Variants in ZNF143 observed in about 807,000 individuals in gnomAD.
The protein encoded by ZNF143 is zinc finger protein 143, also known as SPH-binding factor.
In ZNF143, 49 loss-of-function variants were observed where a neutral mutation model predicts 74.1. The observed-to-expected ratio is 0.66, with a 90% confidence interval of 0.53 to 0.84. The LOEUF is 0.84. Among genes scored for constraint, ZNF143 ranks in the 40% least tolerant of loss-of-function variants. ZNF143 has a pLI of 0.00. For synonymous variants in ZNF143, 304 were observed against 282.8 expected, an observed-to-expected ratio of 1.07 and a Z score of -0.75; for missense variants, 637 against 793.4, an observed-to-expected ratio of 0.80 and a Z score of 2.37.
intron 7 of ZNF143, among the ~76,000 whole-genome samples, chr11:9,490,179 G>A (rs1335904833): frequency 3.3e-5 from 5 of 151,080 alleles, no homozygotes; most frequent in South Asian, 2.1e-4. Flanking sequence ...GTGAGACCCT[G>A]TCTCTAAATT....
At chr11:9,513,767 C>T (rs917249990) in intron 13 of ZNF143, among the ~76,000 whole-genome samples, 2 of 152,166 alleles carry the variant, frequency 1.3e-5, no homozygotes, top group Admixed American at 1.3e-4. Context: ...TGGTGGCGCT[C>T]TCGTGTAGTT....
intron 10 of ZNF143, 110 bp from the exon 11 acceptor site, chr11:9,500,981 A>G: frequency 7.5e-7 from 1 of 1,327,798 alleles, no homozygotes; most frequent in Non-Finnish European, 1.0e-6. Context: ...GAAGCTCAGC[A>G]CAAGAAGGCT....
intron 14 of ZNF143, among the ~76,000 whole-genome samples, chr11:9,520,068 CCTCT>C (rs1372810732): frequency 7.3e-6 from 1 of 136,248 alleles, no homozygotes; most frequent in Non-Finnish European, 1.5e-5. Flanking sequence ...ACGGAATCTC[CCTCT>C]GTCGCCCAGA....
intron 12 of ZNF143, among the ~76,000 whole-genome samples, chr11:9,510,734 A>G (rs1372675202): frequency 6.7e-6 from 1 of 149,686 alleles, no homozygotes; most frequent in Non-Finnish European, 1.5e-5. Context: ...AGGGGGAAAC[A>G]TTTTTTTTTT....
Position 9,497,795 on chromosome 11 carries a change from A to T in ZNF143, c.962A>T (p.His321Leu). The T allele has an allele frequency of 6.3e-7, 1 of 1,596,376 alleles. No individual in the cohort carries two copies. The highest frequency in any genetic ancestry group is 8.5e-7 in the Non-Finnish European group (1 of 1,173,190). The change falls in exon 10 of 16, where the codon CAT becomes CTT. Residue 321 changes from histidine to leucine, a missense_variant. By Grantham distance (99) the His-to-Leu change is moderately conservative. This residue lies in a region of ZNF143 where 344 missense variants were observed against 485.6 expected (regional missense o/e 0.71). Coordinates refer to ENST00000396602, the MANE Select transcript of ZNF143 (RefSeq NM_003442.6). ...GATCTACAGAAACACATCAGAACTC[A>T]TACAGGTACTAGTGGAAACAGAGTG... ...SGDLQKHIRTHTGERPFKCPF... is the reference protein window; with the variant it reads ...SGDLQKHIRTLTGERPFKCPF...
Position 9,477,207 on chromosome 11 carries a change from C to T in ZNF143, c.374-1183C>T, listed in dbSNP as rs554588779. ...TCCCTCCTTTCCCTCCTTTCCCTCC[C>T]TTCCCTTCCTTCCCTTCCTTCCCTT... On this transcript the variant is annotated intron_variant, in intron 5 of 15. Coordinates refer to ENST00000396602, the MANE Select transcript of ZNF143 (RefSeq NM_003442.6). Among the ~76,000 whole-genome samples, 205 of 112,634 alleles carry T rather than the reference C, an allele frequency of 1.8e-3. 1 individual carries two copies. The highest frequency in any genetic ancestry group is 6.0e-3 in the African/African-American group (180 of 29,930). The allele number at this position is 112,634 out of a possible 152,430, so 73.9% of individuals were successfully genotyped here.
At chr11:9,501,358 T>G in intron 11 of ZNF143, 88 bp downstream of exon 11, 1 of 1,436,090 alleles carries the variant, frequency 7.0e-7, no homozygotes, top group Admixed American at 2.1e-5. Context: ...ACTAATCTCT[T>G]CCCTCCTTTC....
chr11:9,520,025 A>ATTTTTTTT (rs954404348), intron 14 of ZNF143, among the ~76,000 whole-genome samples: 10 of 91,380 alleles, frequency 1.1e-4, no homozygotes, highest in African/African-American at 3.3e-4. Flanking sequence ...GTTTCCACCA[A>ATTTTTTTT]TTTTTTTTTT....
rs755007993 is a variant in ZNF143 at position 9,472,656 on chromosome 11, A to G, written c.113-21A>G. 1.7e-5 allele frequency: 28 copies of G among 1,601,376 alleles called. 1 individual carries two copies. In the South Asian group the frequency reaches 1.9e-4, roughly 11 times the overall value. ...TCCATATGCTAGCTGTCTAAAGAAA[A>G]TATTGATTTTTTTGTAATAGATGGT... On this transcript the variant is annotated intron_variant, in intron 2 of 15. Transcript: ENST00000396602.
Position 9,473,934 on chromosome 11 carries a change from G to T in ZNF143, c.206-7G>T. On this transcript the variant is annotated splice_polypyrimidine_tract_variant and splice_region_variant and intron_variant, in intron 3 of 15. Coordinates refer to ENST00000396602, the MANE Select transcript of ZNF143 (RefSeq NM_003442.6). Reference sequence around the variant, plus strand: ...GCCAATTTATTGTCTTGAATCTTTTGTTATAGATGCAAAACTCATAGATGG... The same window carrying T: ...GCCAATTTATTGTCTTGAATCTTTTTTTATAGATGCAAAACTCATAGATGG... The T allele has an allele frequency of 6.2e-7, 1 of 1,613,920 alleles. No homozygotes were observed. The highest frequency in any genetic ancestry group is 8.5e-7 in the Non-Finnish European group (1 of 1,179,866).
chr11:9,497,455 T>C (rs1426752930), intron 9 of ZNF143, among the ~76,000 whole-genome samples: 1 of 152,152 alleles, frequency 6.6e-6, no homozygotes, highest in Non-Finnish European at 1.5e-5. Flanking sequence ...GAGCTCGAAC[T>C]CCTGACTTCA....
intron 5 of ZNF143, among the ~76,000 whole-genome samples, 171 bp from the exon 6 acceptor site, chr11:9,478,219 A>G (rs1468777368): frequency 2.0e-5 from 3 of 152,234 alleles, no homozygotes; most frequent in Non-Finnish European, 4.4e-5. Flanking sequence ...CAGTAAATGT[A>G]CCTGCCTTGC....
intron 2 of ZNF143, among the ~76,000 whole-genome samples, chr11:9,471,688 G>T (rs1856581070): frequency 6.6e-6 from 1 of 151,558 alleles, no homozygotes. Context: ...GAGTAGCTGG[G>T]ATTACAGGCA....
rs758119721 is a variant in ZNF143 at position 9,520,813 on chromosome 11, CTGTT to C, written c.1687-4421_1687-4418del. Reference sequence around the variant, plus strand: ...AAAAAATAAAAAATAAAAAAGAATTCTGTTTGTTTCATATTATCACCAACATTTG... The same window carrying C: ...AAAAAATAAAAAATAAAAAAGAATTCTGTTTCATATTATCACCAACATTTG... On this transcript the variant is annotated intron_variant, in intron 14 of 15. Coordinates refer to ENST00000396602, the MANE Select transcript of ZNF143 (RefSeq NM_003442.6). 1.2e-4 allele frequency among the ~76,000 whole-genome samples: 19 copies of C among 152,180 alleles called. No homozygotes were observed. The Middle Eastern group carries it at 0.01, about 82-fold the overall frequency.
At chr11:9,509,831 T>C (rs1379818184) in intron 12 of ZNF143, among the ~76,000 whole-genome samples, 1 of 152,212 alleles carries the variant, frequency 6.6e-6, no homozygotes, top group Non-Finnish European at 1.5e-5. Flanking sequence ...TGGTTAAATA[T>C]TACATCAATT....
intron 1 of ZNF143, among the ~76,000 whole-genome samples, chr11:9,464,073 CGTGTGTGTGTGTTTGTGTGTGTGT>C (rs1422897462): frequency 7.5e-5 from 10 of 132,832 alleles, no homozygotes; most frequent in Admixed American, 2.3e-4. Context: ...TTAGGGATGT[CGTGTGTGTGTGTTTGTGTGTGTGT>C]GTGTGTGTGT....
At chr11:9,488,662 C>T (rs964395267) in intron 7 of ZNF143, among the ~76,000 whole-genome samples, 7 of 152,098 alleles carry the variant, frequency 4.6e-5, no homozygotes, top group Admixed American at 4.6e-4. Context: ...TATTATAATC[C>T]TTCATTAATA....
rs1452425057 is a variant in ZNF143 at position 9,473,766 on chromosome 11, G to C, written c.206-175G>C. 3.9e-6 allele frequency: 6 copies of C among 1,529,832 alleles called. No homozygotes were observed. The African/African-American group carries it at 6.9e-5, about 18-fold the overall frequency. 94.8% of individuals were successfully genotyped at this position (1,529,832 alleles called of 1,614,324 possible). On this transcript the variant is annotated intron_variant, in intron 3 of 15. Coordinates refer to ENST00000396602, the MANE Select transcript of ZNF143 (RefSeq NM_003442.6). ...AAGGATGGCTGAGGGAGGATTTTCT[G>C]CTTTCTGTAGGATCACTGGATGTGT...
chr11:9,491,844 A>G (rs980275651), intron 7 of ZNF143, among the ~76,000 whole-genome samples: 1 of 152,176 alleles, frequency 6.6e-6, no homozygotes, highest in Non-Finnish European at 1.5e-5. Flanking sequence ...TGCCCAGGCT[A>G]GTCTCGAACT....
Sources: allele counts gnomAD v4.1 joint callset (sites outside exome capture counted in the v4.1 genomes callset), GRCh38; gene constraint gnomAD v4.1.1; regional missense constraint gnomAD v4.1.1; transcripts MANE v1.5; gene names NCBI Gene and HGNC (gene_info 2026-07-23, HGNC 2026-07-21).